INPP4B: variants seen among roughly 807,000 people sequenced by gnomAD.
The protein encoded by INPP4B is inositol polyphosphate-4-phosphatase type II B, also known as inositol polyphosphate 4-phosphatase type II.
In INPP4B, 55 loss-of-function variants were observed where a neutral mutation model predicts 122.5. The ratio of observed to expected loss-of-function variants is 0.45; its 90% CI spans 0.36 to 0.56. INPP4B has a LOEUF of 0.56. INPP4B is among the 20% of genes least tolerant of loss of function. The pLI, the probability that INPP4B is intolerant of heterozygous loss-of-function variation, is 0.00. For synonymous variants in INPP4B, 403 were observed against 388.7 expected (o/e 1.04, Z -0.43); for missense variants, 1,000 against 1,097.7 (o/e 0.91, Z 1.26).
At chr4:142,764,912 C>G (rs1771874762) in intron 1 of INPP4B, among the ~76,000 whole-genome samples, 1 of 151,984 alleles carries the variant, frequency 6.6e-6, no homozygotes, top group Admixed American at 6.6e-5. Context: ...AACCATGAAA[C>G]TCGTTAAGAC....
chr4:142,346,468 T>A (rs180790722), intron 7 of INPP4B, among the ~76,000 whole-genome samples: 1 of 152,118 alleles, frequency 6.6e-6, no homozygotes, highest in African/African-American at 2.4e-5. Flanking sequence ...AAAAGTGACA[T>A]ATTGATAATG....
intron 17 of INPP4B, among the ~76,000 whole-genome samples, chr4:142,152,297 G>C (rs535197896): frequency 3.6e-4 from 55 of 151,626 alleles, no homozygotes; most frequent in Non-Finnish European, 6.8e-4. Context: ...GGATGGTCTC[G>C]ATCTCCTGAG....
chr4:142,179,466 C>T (rs1829794980), intron 15 of INPP4B, among the ~76,000 whole-genome samples: 1 of 106,678 alleles, frequency 9.4e-6, no homozygotes, highest in African/African-American at 3.3e-5. Context: ...GAACAAAACT[C>T]CATCTCAAAA....
At chr4:142,185,174 C>T (rs1832601280) in intron 15 of INPP4B, among the ~76,000 whole-genome samples, 1 of 151,876 alleles carries the variant, frequency 6.6e-6, no homozygotes, top group African/African-American at 2.4e-5. Context: ...TAAGTGAAAG[C>T]AAGGGAGAAA....
intron 11 of INPP4B, among the ~76,000 whole-genome samples, chr4:142,259,443 G>T (rs942539673): frequency 2.3e-4 from 35 of 151,550 alleles, no homozygotes; most frequent in African/African-American, 8.2e-4. Context: ...GGGCGCGTGG[G>T]TAAGTGTTGA....
intron 25 of INPP4B, among the ~76,000 whole-genome samples, chr4:142,066,726 TA>T (rs1376774348): frequency 1.3e-5 from 2 of 152,194 alleles, no homozygotes; most frequent in Admixed American, 1.3e-4. Context: ...CACTCATTGT[TA>T]GCACAGCAGT....
intron 2 of INPP4B, among the ~76,000 whole-genome samples, chr4:142,690,733 T>C (rs1760058486): frequency 1.3e-5 from 2 of 152,258 alleles, no homozygotes; most frequent in South Asian, 4.1e-4. Flanking sequence ...ATTAGACTTT[T>C]TAAATGACTC....
At chr4:142,434,400 A>T (rs1472657861) in intron 3 of INPP4B, among the ~76,000 whole-genome samples, 1 of 152,140 alleles carries the variant, frequency 6.6e-6, no homozygotes, top group African/African-American at 2.4e-5. Context: ...TCCTGTCTCC[A>T]TTGCAAATAT....
At chr4:142,559,156 T>C (rs1159451754) in intron 2 of INPP4B, among the ~76,000 whole-genome samples, 4 of 152,316 alleles carry the variant, frequency 2.6e-5, no homozygotes, top group Admixed American at 2.6e-4. Context: ...TTATAGTGCT[T>C]CTCAGTTTTA....
intron 14 of INPP4B, among the ~76,000 whole-genome samples, chr4:142,207,600 A>G (rs996949221): frequency 1.3e-5 from 2 of 152,188 alleles, no homozygotes; most frequent in South Asian, 2.1e-4. Flanking sequence ...TAGTAGGATG[A>G]CCACAGCATT....
intron 16 of INPP4B, among the ~76,000 whole-genome samples, chr4:142,162,833 A>G (rs1820774281): frequency 6.6e-6 from 1 of 151,914 alleles, no homozygotes; most frequent in Non-Finnish European, 1.5e-5. Context: ...AATCTTAAAC[A>G]TAATAATAGC....
intron 1 of INPP4B, among the ~76,000 whole-genome samples, chr4:142,784,487 A>C (rs1775433188): frequency 1.3e-5 from 2 of 152,082 alleles, no homozygotes; most frequent in Admixed American, 6.6e-5. Context: ...CAGAATTTGA[A>C]AGGACAGGCA....
intron 9 of INPP4B, among the ~76,000 whole-genome samples, chr4:142,301,167 C>T (rs527629076): frequency 1.3e-5 from 2 of 152,122 alleles, no homozygotes; most frequent in African/African-American, 4.8e-5. Flanking sequence ...ATAATATTCA[C>T]CAGTTTAGAT....
chr4:142,630,541 T>C (rs1162494425), intron 2 of INPP4B, among the ~76,000 whole-genome samples: 4 of 152,052 alleles, frequency 2.6e-5, no homozygotes, highest in African/African-American at 9.7e-5. Context: ...TAATACAAAT[T>C]AATACTGCTA....
At chr4:142,140,464 T>A (rs1384596387) in intron 18 of INPP4B, among the ~76,000 whole-genome samples, 1 of 152,222 alleles carries the variant, frequency 6.6e-6, no homozygotes, top group Non-Finnish European at 1.5e-5. Flanking sequence ...GAATGCATAC[T>A]GTTCCTTTTA....
chr4:142,400,140 A>G (rs1321744429), intron 7 of INPP4B, among the ~76,000 whole-genome samples: 1 of 152,214 alleles, frequency 6.6e-6, no homozygotes. Flanking sequence ...TAGTACAAAT[A>G]TGTATGCAAA....
At chr4:142,558,898 A>C (rs1308683834) in intron 2 of INPP4B, among the ~76,000 whole-genome samples, 2 of 150,634 alleles carry the variant, frequency 1.3e-5, no homozygotes, top group African/African-American at 4.9e-5. Flanking sequence ...GAACAATCAC[A>C]TGGGGTTTTT....
At chr4:142,724,178 G>A (rs1765054166) in intron 2 of INPP4B, among the ~76,000 whole-genome samples, 1 of 152,172 alleles carries the variant, frequency 6.6e-6, no homozygotes, top group Admixed American at 6.5e-5. Context: ...CTCACCCTAA[G>A]TCTTCCTTTG....
At chr4:142,627,007 G>C (rs1186057108) in intron 2 of INPP4B, among the ~76,000 whole-genome samples, 2 of 151,924 alleles carry the variant, frequency 1.3e-5, no homozygotes, top group Non-Finnish European at 2.9e-5. Context: ...TTTTGTAAGA[G>C]GCTGTATATT....
Sources: allele counts gnomAD v4.1 joint callset (sites outside exome capture counted in the v4.1 genomes callset), GRCh38; gene constraint gnomAD v4.1.1; transcripts MANE v1.5; gene names NCBI Gene and HGNC (gene_info 2026-07-23, HGNC 2026-07-21).